The following RCAN1 variants were observed in gnomAD, a reference collection of about 807,000 sequenced individuals.
The protein encoded by RCAN1 is regulator of calcineurin 1.
In RCAN1, 11 loss-of-function variants were observed where a neutral mutation model predicts 22.9. The ratio of observed to expected loss-of-function variants is 0.48; its 90% CI spans 0.30 to 0.79. The LOEUF is 0.79. RCAN1 is among the 30% of genes least tolerant of loss of function. The probability of loss-of-function intolerance (pLI) is 0.06; values close to 1 mark genes in which losing one functional copy is unlikely to be tolerated. For missense variants in RCAN1, 291 were observed against 337.8 expected, an observed-to-expected ratio of 0.86 and a Z score of 1.09; for synonymous variants, 136 against 142.3, an observed-to-expected ratio of 0.96 and a Z score of 0.32.
At chr21:34,608,209 G>T (rs1988588856) in intron 1 of RCAN1, among the ~76,000 whole-genome samples, 1 of 152,082 alleles carries the variant, frequency 6.6e-6, no homozygotes, top group African/African-American at 2.4e-5. Flanking sequence ...CTAGCTCCCT[G>T]CCCCCTGGTC....
intron 1 of RCAN1, among the ~76,000 whole-genome samples, chr21:34,603,871 G>A (rs974434046): frequency 6.6e-6 from 1 of 152,182 alleles, no homozygotes; most frequent in African/African-American, 2.4e-5. Context: ...AGTGAATAGA[G>A]GACCTATAAT....
At chr21:34,521,251 C>CG (rs1984502046) in intron 3 of RCAN1, 4 of 1,435,008 alleles carry the variant, frequency 2.8e-6, no homozygotes, top group East Asian at 2.5e-5. Flanking sequence ...TGGGACACTG[C>CG]GGGGGGTGGA....
intron 1 of RCAN1, among the ~76,000 whole-genome samples, chr21:34,545,997 T>C (rs1411682226): frequency 6.6e-6 from 1 of 152,220 alleles, no homozygotes; most frequent in Non-Finnish European, 1.5e-5. Context: ...ATCCTGATAT[T>C]TGTCTGTATC....
At chr21:34,583,131 C>T (rs550777912) in intron 1 of RCAN1, among the ~76,000 whole-genome samples, 8 of 151,872 alleles carry the variant, frequency 5.3e-5, no homozygotes, top group Admixed American at 1.3e-4. Flanking sequence ...TGTTGAAGCC[C>T]TAACCATCAG....
At position 34,556,093 on chromosome 21, in the gene RCAN1, TAAA is replaced by T. The variant is rs1428688996; in HGVS notation, c.253-32386_253-32384del. On this transcript the variant is annotated intron_variant, in intron 1 of 3. Coordinates refer to ENST00000313806, the MANE Select transcript of RCAN1 (RefSeq NM_004414.7). The stretch of plus-strand genomic sequence containing the variant: ...ATAAATAAATAAATAAATAAATAAA[TAAA>T]TAATTAAAGGCCAAAAAAAAAAAAA... Among the ~76,000 whole-genome samples, 566 of 60,264 alleles carry T rather than the reference TAAA, an allele frequency of 9.4e-3. 3 individuals carry two copies. Among genetic ancestry groups the T allele is most frequent in the African/African-American group, 0.033 (543 of 16,296 alleles). The allele number at this position is 60,264 out of a possible 152,430, so 39.5% of individuals were successfully genotyped here. A position where few individuals can be genotyped will look rare whatever the true frequency, so the allele number is the denominator to read the frequency against.
intron 1 of RCAN1, among the ~76,000 whole-genome samples, chr21:34,542,385 C>G (rs1188764888): frequency 6.7e-6 from 1 of 149,634 alleles, no homozygotes; most frequent in African/African-American, 2.5e-5. Context: ...CCTCTTGGAA[C>G]CCAGTTGCCC....
intron 1 of RCAN1, among the ~76,000 whole-genome samples, chr21:34,567,231 C>T (rs904052698): frequency 7.2e-5 from 11 of 152,314 alleles, no homozygotes; most frequent in East Asian, 3.9e-4. Flanking sequence ...CGCGGTGGCT[C>T]ACGCCTGTAA....
chr21:34,611,406 A>G (rs544098377), intron 1 of RCAN1, among the ~76,000 whole-genome samples: 1 of 152,364 alleles, frequency 6.6e-6, no homozygotes, highest in Non-Finnish European at 1.5e-5. Context: ...ATTGATCCTG[A>G]GCCAGCCAAT....
At position 34,517,518 on chromosome 21, in the gene RCAN1, A is replaced by C. The variant is rs1304657227; in HGVS notation, c.*566T>G. Reference sequence around the variant, plus strand: ...GGCTTCCCAAAAGATGTAAAACAACAACGGTGTAACTTTATATACGAACAA... The same window carrying C: ...GGCTTCCCAAAAGATGTAAAACAACCACGGTGTAACTTTATATACGAACAA... On this transcript the variant is annotated 3_prime_UTR_variant, in exon 4 of 4. Transcript: ENST00000313806. The C allele has an allele frequency of 6.6e-6, 1 of 152,214 alleles. No individual in the cohort carries two copies. The highest frequency in any genetic ancestry group is 1.5e-5 in the Non-Finnish European group (1 of 68,058). 9.4% of individuals were successfully genotyped at this position (152,214 alleles called of 1,614,324 possible).
chr21:34,547,219 C>A (rs1310600665), intron 1 of RCAN1, among the ~76,000 whole-genome samples: 3 of 152,160 alleles, frequency 2.0e-5, no homozygotes, highest in Admixed American at 6.5e-5. Flanking sequence ...CGGGGACTGT[C>A]CCACATGCCA....
intron 3 of RCAN1, among the ~76,000 whole-genome samples, chr21:34,519,397 C>CTTTTTTTTTT (rs34152667): frequency 1.4e-4 from 14 of 102,782 alleles, no homozygotes; most frequent in Non-Finnish European, 2.1e-4. Context: ...TTCTTTCTTT[C>CTTTTTTTTTT]TTTTTTTTTT....
At chr21:34,551,068 C>T (rs1986348006) in intron 1 of RCAN1, among the ~76,000 whole-genome samples, 2 of 152,210 alleles carry the variant, frequency 1.3e-5, no homozygotes, top group South Asian at 4.1e-4. Context: ...CTCACCTTTT[C>T]AAATGCCACA....
At chr21:34,571,799 C>T (rs148796578) in intron 1 of RCAN1, among the ~76,000 whole-genome samples, 18 of 152,296 alleles carry the variant, frequency 1.2e-4, no homozygotes, top group Admixed American at 1.0e-3. Context: ...CCTCTCGCCT[C>T]GGCCTCCCAA....
chr21:34,534,987 G>A (rs979570863), intron 1 of RCAN1, among the ~76,000 whole-genome samples: 5 of 152,218 alleles, frequency 3.3e-5, no homozygotes, highest in Admixed American at 6.5e-5. Context: ...ACAAGAGGAA[G>A]AGCAGAGTCA....
chr21:34,604,788 T>A (rs1470766382), intron 1 of RCAN1, among the ~76,000 whole-genome samples: 1 of 152,194 alleles, frequency 6.6e-6, no homozygotes, highest in African/African-American at 2.4e-5. Context: ...ACTGGGGAAG[T>A]GGGCTGCCAG....
intron 1 of RCAN1, among the ~76,000 whole-genome samples, chr21:34,527,752 G>A (rs1337476860): frequency 1.3e-5 from 2 of 151,108 alleles, no homozygotes; most frequent in Non-Finnish European, 2.9e-5. Context: ...ATGACCTTGA[G>A]CAATAGGATA....
At chr21:34,523,777 G>T in intron 1 of RCAN1, 67 bp from the exon 2 acceptor site, 3 of 1,300,674 alleles carry the variant, frequency 2.3e-6, no homozygotes, top group African/African-American at 1.5e-5. Context: ...ACTAGATGAT[G>T]TCATTACTTT....
intron 1 of RCAN1, among the ~76,000 whole-genome samples, chr21:34,532,727 C>T (rs1985455141): frequency 6.6e-6 from 1 of 152,150 alleles, no homozygotes; most frequent in Non-Finnish European, 1.5e-5. Context: ...TTCATTTGAT[C>T]AGCAAATACT....
intron 1 of RCAN1, among the ~76,000 whole-genome samples, chr21:34,555,567 G>A (rs1039894502): frequency 7.7e-6 from 1 of 130,426 alleles, no homozygotes; most frequent in Non-Finnish European, 1.6e-5. Context: ...GCAAGGCTGT[G>A]TCTCAAAAAA....
Sources: allele counts gnomAD v4.1 joint callset (sites outside exome capture counted in the v4.1 genomes callset), GRCh38; gene constraint gnomAD v4.1.1; transcripts MANE v1.5; gene names NCBI Gene and HGNC (gene_info 2026-07-23, HGNC 2026-07-21).